The following DSCAML1 variants were observed in gnomAD, a reference collection of about 807,000 sequenced individuals.
The protein encoded by DSCAML1 is DS cell adhesion molecule like 1, also known as cell adhesion molecule DSCAML1.
A neutral mutation model predicts 200.5 loss-of-function variants in DSCAML1; 38 were observed. The observed-to-expected ratio is 0.19, with a 90% CI of 0.15 to 0.25. DSCAML1 has a LOEUF of 0.25. Ranked by LOEUF, DSCAML1 falls within the 10% of genes least tolerant of loss-of-function variation. The probability of loss-of-function intolerance (pLI) is 1.00; values close to 1 mark genes in which losing one functional copy is unlikely to be tolerated. For missense variants in DSCAML1, 2,223 were observed against 2,858.8 expected (o/e 0.78, Z 5.07); for synonymous variants, 1,215 against 1,165.0 (o/e 1.04, Z -0.87).
intron 21 of DSCAML1, among the ~76,000 whole-genome samples, chr11:117,440,965 C>T (rs1157510835): frequency 4.0e-5 from 6 of 148,588 alleles, no homozygotes; most frequent in Admixed American, 1.3e-4. Flanking sequence ...TGTCCTCAGC[C>T]GATTTCAGAT....
intron 3 of DSCAML1, among the ~76,000 whole-genome samples, chr11:117,574,015 CTG>C (rs1565798740): frequency 6.6e-6 from 1 of 152,210 alleles, no homozygotes; most frequent in East Asian, 1.9e-4. Context: ...CCATAGCTTT[CTG>C]GAGCTGGGAA....
intron 3 of DSCAML1, among the ~76,000 whole-genome samples, chr11:117,759,285 G>A (rs1223661083): frequency 1.3e-5 from 2 of 152,188 alleles, no homozygotes; most frequent in Non-Finnish European, 2.9e-5. Context: ...GAACTTGGGT[G>A]TGTAAGAGGG....
intron 16 of DSCAML1, 128 bp from the exon 17 acceptor site, chr11:117,465,310 G>T (rs1220326885): frequency 7.6e-7 from 1 of 1,307,460 alleles, no homozygotes; most frequent in East Asian, 2.4e-5. Flanking sequence ...CACTCAGAAT[G>T]AAAGCCAAAG....
At chr11:117,466,516 A>G (rs908713544) in intron 16 of DSCAML1, among the ~76,000 whole-genome samples, 1 of 152,206 alleles carries the variant, frequency 6.6e-6, no homozygotes, top group Admixed American at 6.6e-5. Context: ...TCTGGCCAAC[A>G]TGGTGAAACC....
At chr11:117,441,528 G>A (rs1279880786) in intron 21 of DSCAML1, among the ~76,000 whole-genome samples, 1 of 152,102 alleles carries the variant, frequency 6.6e-6, no homozygotes, top group Non-Finnish European at 1.5e-5. Flanking sequence ...GAAGGTGCGG[G>A]GCCACAGGTG....
At chr11:117,751,716 G>T (rs185308627) in intron 3 of DSCAML1, among the ~76,000 whole-genome samples, 1 of 152,180 alleles carries the variant, frequency 6.6e-6, no homozygotes, top group African/African-American at 2.4e-5. Context: ...CCACCTGGGG[G>T]AAAAAATGGA....
chr11:117,543,866 T>C (rs1032347560), intron 3 of DSCAML1, among the ~76,000 whole-genome samples: 4 of 152,094 alleles, frequency 2.6e-5, no homozygotes, highest in African/African-American at 9.7e-5. Flanking sequence ...AGGTCTATGA[T>C]GCGTATGTAG....
At chr11:117,745,184 G>C (rs750584197) in intron 3 of DSCAML1, among the ~76,000 whole-genome samples, 4 of 150,638 alleles carry the variant, frequency 2.7e-5, no homozygotes, top group Non-Finnish European at 4.4e-5. Flanking sequence ...AGCTGGGAGG[G>C]GCACGTGGGA....
chr11:117,597,131 A>G (rs2051376199), intron 3 of DSCAML1, among the ~76,000 whole-genome samples: 1 of 152,260 alleles, frequency 6.6e-6, no homozygotes, highest in Non-Finnish European at 1.5e-5. Flanking sequence ...GCAAATAATG[A>G]CATAACCCAG....
In DSCAML1 at chr11:117,435,578, AG is replaced by A. The variant is rs901747984; in HGVS notation, c.4876+65del. On this transcript the variant is annotated intron_variant, in intron 27 of 32. Transcript: ENST00000651296. ...TCCAGATGGTGCTGTGAGCCAGGGA[AG>A]GGGGGGGACAATGTGGCTGAGAGCC... The A allele has an allele frequency of 2.5e-4, 370 of 1,495,194 alleles. 2 individuals are homozygous for A. The African/African-American group carries it at 2.9e-3, about 12-fold the overall frequency. The allele number at this position is 1,495,194 out of a possible 1,614,324, so 92.6% of individuals were successfully genotyped here. A position where few individuals can be genotyped will look rare whatever the true frequency, so the allele number is the denominator to read the frequency against.
Position 117,476,416 on chromosome 11 carries a change from G to C in DSCAML1, c.2785+4027C>G, listed in dbSNP as rs137940847. Among the ~76,000 whole-genome samples, 419 of 152,284 alleles carry C rather than the reference G, an allele frequency of 2.8e-3. 5 individuals are homozygous for C. The highest frequency in any genetic ancestry group is 9.5e-3 in the African/African-American group (395 of 41,544). On this transcript the variant is annotated intron_variant, in intron 14 of 32. Coordinates refer to ENST00000651296, the MANE Select transcript of DSCAML1 (RefSeq NM_020693.4). ...CATGACAATCTCTTCACAGCACGGA[G>C]AAGAGGCCTCCTGCGTCACAACGAC...
At chr11:117,541,135 C>T (rs151062985) in intron 3 of DSCAML1, among the ~76,000 whole-genome samples, 5 of 152,368 alleles carry the variant, frequency 3.3e-5, no homozygotes, top group Middle Eastern at 3.4e-3. Context: ...CACCCCAAGG[C>T]CTTTGCTGTC....
intron 3 of DSCAML1, among the ~76,000 whole-genome samples, chr11:117,628,348 A>T (rs146073107): frequency 1.1e-3 from 163 of 152,140 alleles, no homozygotes; most frequent in African/African-American, 3.8e-3. Context: ...GATCCTCATG[A>T]CCTCTGAGCT....
chr11:117,569,966 G>A (rs2050819677), intron 3 of DSCAML1, among the ~76,000 whole-genome samples: 1 of 152,308 alleles, frequency 6.6e-6, no homozygotes, highest in East Asian at 1.9e-4. Flanking sequence ...ACTTGTATAA[G>A]ATTAAGTCAT....
chr11:117,641,419 G>A (rs1340397099), intron 3 of DSCAML1, among the ~76,000 whole-genome samples: 1 of 152,212 alleles, frequency 6.6e-6, no homozygotes. Context: ...CATCCAAGAT[G>A]AGGATATAAT....
chr11:117,495,900 G>C (rs1045400490), intron 11 of DSCAML1, among the ~76,000 whole-genome samples: 1 of 152,106 alleles, frequency 6.6e-6, no homozygotes, highest in African/African-American at 2.4e-5. Flanking sequence ...CTATCATCTA[G>C]TGCATCATGT....
At chr11:117,563,418 A>T (rs1391847967) in intron 3 of DSCAML1, among the ~76,000 whole-genome samples, 1 of 152,162 alleles carries the variant, frequency 6.6e-6, no homozygotes, top group Admixed American at 6.5e-5. Context: ...GCTAGGAAGA[A>T]CTGGGATGGA....
intron 3 of DSCAML1, among the ~76,000 whole-genome samples, chr11:117,691,325 A>G (rs1406773591): frequency 6.6e-6 from 1 of 151,902 alleles, no homozygotes; most frequent in East Asian, 1.9e-4. Flanking sequence ...GCCTTTGGGG[A>G]CCCGCCCAGT....
intron 6 of DSCAML1, among the ~76,000 whole-genome samples, chr11:117,520,792 A>G (rs957856384): frequency 7.1e-6 from 1 of 139,940 alleles, no homozygotes; most frequent in African/African-American, 2.5e-5. Flanking sequence ...GCATGGTGCA[A>G]GATGGTCCCT....
Sources: gnomAD v4.1 joint callset for allele counts (sites outside exome capture counted in the v4.1 genomes callset) on GRCh38, gnomAD v4.1.1 for gene constraint, MANE v1.5 for transcripts, NCBI Gene and HGNC (gene_info 2026-07-23, HGNC 2026-07-21) for gene names.